Variants in SFTPB observed in about 807,000 individuals in gnomAD.
SFTPB encodes the protein surfactant protein B.
In SFTPB, 32 loss-of-function variants were observed where a neutral mutation model predicts 51.0. The ratio of observed to expected loss-of-function variants is 0.63; its 90% CI spans 0.47 to 0.84. SFTPB has a LOEUF of 0.84. Among genes scored for constraint, SFTPB ranks in the 40% least tolerant of loss-of-function variants. The pLI is 0.00. For missense variants in SFTPB, 431 were observed against 491.2 expected (o/e 0.88, Z 1.16); for synonymous variants, 211 against 208.5 (o/e 1.01, Z -0.10).
At chr2:85,661,373 T>A in intron 10 of SFTPB, 81 bp downstream of exon 10, 1 of 995,602 alleles carries the variant, frequency 1.0e-6, no homozygotes, top group Non-Finnish European at 1.5e-6. Flanking sequence ...CTCTTCCTGC[T>A]TGGGGAGCAG....
chr2:85,666,582 G>C (rs372134019), intron 4 of SFTPB, 35 bp downstream of exon 4: 2 of 1,609,170 alleles, frequency 1.2e-6, no homozygotes, highest in Non-Finnish European at 1.7e-6. Context: ...GGCCTGCGTG[G>C]GGAGGCAGGC....
rs1226763597 is a variant in SFTPB, at chr2:85,665,398, G to C, written c.583-20C>G. On this transcript the variant is annotated intron_variant, in intron 5 of 10. Transcript: ENST00000519937. Reference sequence around the variant, plus strand: ...GAGATCCTGGGGAAAGAATCAGGTGGAGGCCAGGCTGGGTGCTGGGAGAAG... The same window carrying C: ...GAGATCCTGGGGAAAGAATCAGGTGCAGGCCAGGCTGGGTGCTGGGAGAAG... The C allele has an allele frequency of 1.2e-5, 20 of 1,602,838 alleles. No homozygotes were observed. Among genetic ancestry groups the C allele is most frequent in the Non-Finnish European group, 1.4e-5 (16 of 1,169,944 alleles).
At chr2:85,662,317 CTG>C in intron 8 of SFTPB, 1 of 1,422,930 alleles carries the variant, frequency 7.0e-7, no homozygotes, top group African/African-American at 1.4e-5. Flanking sequence ...GCAGGCGACA[CTG>C]GAGACGGAGG....
rs1379437396 is a variant in SFTPB, at chr2:85,666,219, G to C, written c.393+398C>G. Among the ~76,000 whole-genome samples, 314 of 129,598 alleles carry C rather than the reference G, an allele frequency of 2.4e-3. 1 individual carries two copies. Among genetic ancestry groups the C allele is most frequent in the African/African-American group, 7.9e-3 (255 of 32,136 alleles). 85.0% of individuals were successfully genotyped at this position (129,598 alleles called of 152,430 possible). A position where few individuals can be genotyped will look rare whatever the true frequency, so the allele number is the denominator to read the frequency against. On this transcript the variant is annotated intron_variant, in intron 4 of 10. Coordinates refer to ENST00000519937, the MANE Select transcript of SFTPB (RefSeq NM_000542.5). ...AGCTGGGGTGCTGTGTGTGTGCTGTGTGTGTGTGTGTGTGTGTGTGTGTGT... is the reference window on the plus strand; with the variant it reads ...AGCTGGGGTGCTGTGTGTGTGCTGTCTGTGTGTGTGTGTGTGTGTGTGTGT...
At chr2:85,667,637 A>T in intron 2 of SFTPB, 42 bp downstream of exon 2, 1 of 1,613,908 alleles carries the variant, frequency 6.2e-7, no homozygotes, top group Non-Finnish European at 8.5e-7. Flanking sequence ...AGCACCCTTC[A>T]TTTCAGACCC....
At chr2:85,660,732 G>A (rs184819634) in intron 10 of SFTPB, among the ~76,000 whole-genome samples, 150 of 152,308 alleles carry the variant, frequency 9.8e-4, no homozygotes, top group East Asian at 2.9e-3. Context: ...TGGGATTACC[G>A]GCGTGAGCCA....
In SFTPB at chr2:85,658,358, G is replaced by C. The variant is rs1257957168; in HGVS notation, c.*1344C>G. ...TCATCCCAGTGAGTAGAGACTGGGA[G>C]GGGAGAGCAGCAGCTGGAGGGCAGG... On this transcript the variant is annotated 3_prime_UTR_variant, in exon 11 of 11. Transcript: ENST00000519937. 1 of 152,294 alleles carries C rather than the reference G, an allele frequency of 6.6e-6. No homozygotes were observed. Among genetic ancestry groups the C allele is most frequent in the African/African-American group, 2.4e-5 (1 of 41,428 alleles). 9.4% of individuals were successfully genotyped at this position (152,294 alleles called of 1,614,324 possible).
At chr2:85,662,163 G>T (rs34757227) in intron 8 of SFTPB, 54 bp from the exon 9 acceptor site, 1 of 1,563,868 alleles carries the variant, frequency 6.4e-7, no homozygotes, top group Non-Finnish European at 8.7e-7. Context: ...CTCTCCTGTC[G>T]TGTGGTCCTG....
rs371267944 is a variant in SFTPB at position 85,663,729 on chromosome 2, C to A, written c.791G>T (p.Arg264Leu). Residue 264 changes from arginine to leucine, a missense_variant, in exon 7 of 11, where the codon CGC (arginine) becomes CTC (leucine). By Grantham distance (102) the Arg-to-Leu change is moderately radical. Coordinates refer to ENST00000519937, the MANE Select transcript of SFTPB (RefSeq NM_000542.5). The part of the protein sequence containing the change: ...SVILLDTLLG[R>L]MLPQLVCRLV... ...GCGGCAGACCAGCTGGGGCAGCATG[C>A]GGCCCAGCAGCGTGTCGAGCAGGAT... 2 of 1,610,592 alleles carry A rather than the reference C, an allele frequency of 1.2e-6. No individual in the cohort carries two copies. The highest frequency in any genetic ancestry group is 1.3e-5 in the African/African-American group (1 of 74,888).
At chr2:85,668,481 C>A (rs1162654700), upstream of SFTPB, among the ~76,000 whole-genome samples, 1 of 152,168 alleles carries the variant, frequency 6.6e-6, no homozygotes, top group Non-Finnish European at 1.5e-5. Context: ...CCTCTCCAGG[C>A]CGTGGGAGGG....
intron 9 of SFTPB, 144 bp downstream of exon 9, chr2:85,661,885 A>G: frequency 1.1e-5 from 8 of 704,354 alleles, no homozygotes; most frequent in Non-Finnish European, 1.9e-5. Context: ...TGAAACAGAG[A>G]GGGGTGCCTC....
chr2:85,665,506 T>C (rs1677528181), intron 5 of SFTPB, 100 bp downstream of exon 5: 2 of 1,483,332 alleles, frequency 1.3e-6, no homozygotes, highest in Admixed American at 3.4e-5. Flanking sequence ...TCCTATCACC[T>C]TCCCGGCTCT....
chr2:85,662,897 C>A (rs1016470334), intron 8 of SFTPB, among the ~76,000 whole-genome samples: 2 of 148,920 alleles, frequency 1.3e-5, no homozygotes, highest in Admixed American at 1.3e-4. Context: ...TGAGTATTGG[C>A]AAGGGCCCTA....
rs1438462259 is a variant in SFTPB at position 85,667,409 on chromosome 2, A to T, written c.196-232T>A. 4.0e-5 allele frequency among the ~76,000 whole-genome samples: 6 copies of T among 149,418 alleles called. No homozygotes were observed. In the East Asian group the frequency reaches 5.9e-4, roughly 15 times the overall value. On this transcript the variant is annotated intron_variant, in intron 2 of 10. Transcript: ENST00000519937. ...GTGTCATCCCATCCCATCCCATCCC[A>T]TCCCATCCATCTTTATTCTATGTCA... is the stretch of plus-strand genomic sequence containing the variant.
chr2:85,662,771 C>T (rs904354097), intron 8 of SFTPB, among the ~76,000 whole-genome samples: 2 of 138,176 alleles, frequency 1.4e-5, no homozygotes, highest in African/African-American at 2.8e-5. Flanking sequence ...AACCCGGAGG[C>T]AGAGGTTGCA....
At chr2:85,662,468 G>A (rs1677357313) in intron 8 of SFTPB, among the ~76,000 whole-genome samples, 1 of 152,180 alleles carries the variant, frequency 6.6e-6, no homozygotes, top group South Asian at 2.1e-4. Flanking sequence ...GAGTTGCTGA[G>A]CAGGGAGCAC....
chr2:85,667,579 A>G (rs1200253595), intron 2 of SFTPB, 100 bp downstream of exon 2: 2 of 1,463,096 alleles, frequency 1.4e-6, no homozygotes, highest in East Asian at 2.3e-5. Flanking sequence ...CATCTCATCC[A>G]TCCCCTATGG....
upstream of SFTPB, chr2:85,668,216 G>A (rs1262702197): frequency 2.6e-6 from 4 of 1,548,574 alleles, no homozygotes; most frequent in Non-Finnish European, 3.5e-6. Flanking sequence ...CCTGCTTGGT[G>A]CATGGCCCCT....
chr2:85,662,427 AC>A, intron 8 of SFTPB: 1 of 591,218 alleles, frequency 1.7e-6, no homozygotes, highest in Non-Finnish European at 2.6e-6. Flanking sequence ...GGTCCTTGAG[AC>A]CAGATGTGAT....
Sources: allele counts gnomAD v4.1 joint callset (sites outside exome capture counted in the v4.1 genomes callset), GRCh38; gene constraint gnomAD v4.1.1; transcripts MANE v1.5; gene names NCBI Gene and HGNC (gene_info 2026-07-23, HGNC 2026-07-21).